The following DOK6 variants were observed in gnomAD, a reference collection of about 807,000 sequenced individuals.
The protein encoded by DOK6 is downstream of tyrosine kinase 6.
Under a neutral mutation model 44.0 loss-of-function variants are expected in DOK6, and 22 were observed. The observed-to-expected ratio is 0.50, with a 90% confidence interval of 0.36 to 0.71. The LOEUF is 0.71. DOK6 is among the 30% of genes least tolerant of loss of function. The pLI, the probability that DOK6 is intolerant of heterozygous loss-of-function variation, is 0.00. For missense variants in DOK6, 340 were observed against 416.4 expected (o/e 0.82, Z 1.60); for synonymous variants, 166 against 145.5 (o/e 1.14, Z -1.01).
chr18:69,680,295 T>C (rs751446567), intron 4 of DOK6, among the ~76,000 whole-genome samples: 1 of 152,188 alleles, frequency 6.6e-6, no homozygotes, highest in Non-Finnish European at 1.5e-5. Context: ...AGAAAATTCC[T>C]GGATGGGGAG....
At chr18:69,757,530 C>T (rs1226635660) in intron 6 of DOK6, among the ~76,000 whole-genome samples, 2 of 152,166 alleles carry the variant, frequency 1.3e-5, no homozygotes, top group East Asian at 3.8e-4. Flanking sequence ...TCATTCGTAC[C>T]ATCTTAATGT....
At chr18:69,521,981 T>C (rs749216797) in intron 1 of DOK6, among the ~76,000 whole-genome samples, 1 of 151,968 alleles carries the variant, frequency 6.6e-6, no homozygotes, top group African/African-American at 2.4e-5. Flanking sequence ...TAGATTAATG[T>C]CTTGATTTAT....
intron 1 of DOK6, among the ~76,000 whole-genome samples, chr18:69,519,798 T>C (rs994629795): frequency 1.3e-5 from 2 of 151,924 alleles, no homozygotes; most frequent in African/African-American, 4.8e-5. Flanking sequence ...AAATATGGCA[T>C]GAGAACGTGA....
At chr18:69,770,825 C>T (rs1979866241) in intron 7 of DOK6, among the ~76,000 whole-genome samples, 1 of 151,822 alleles carries the variant, frequency 6.6e-6, no homozygotes, top group South Asian at 2.1e-4. Context: ...TGTTGCAAAC[C>T]CCTTCTATTT....
At chr18:69,609,510 T>TAAATAAATAAATAAATAAATA in intron 3 of DOK6, among the ~76,000 whole-genome samples, 1 of 150,140 alleles carries the variant, frequency 6.7e-6, no homozygotes, top group African/African-American at 2.4e-5. Flanking sequence ...AATAAATAAA[T>TAAATAAATAAATAAATAAATA]AATAAAATGA....
At chr18:69,635,736 G>A (rs1249819753) in intron 3 of DOK6, among the ~76,000 whole-genome samples, 1 of 152,102 alleles carries the variant, frequency 6.6e-6, no homozygotes, top group Non-Finnish European at 1.5e-5. Flanking sequence ...CTCAGTAGCC[G>A]CATACCTAGA....
chr18:69,627,626 T>C (rs1256845910), intron 3 of DOK6, among the ~76,000 whole-genome samples: 2 of 151,950 alleles, frequency 1.3e-5, no homozygotes, highest in Non-Finnish European at 2.9e-5. Flanking sequence ...TTTTTTTGTA[T>C]TTTTAGTAGA....
intron 1 of DOK6, among the ~76,000 whole-genome samples, chr18:69,436,974 A>C (rs1978998515): frequency 6.6e-6 from 1 of 152,174 alleles, no homozygotes; most frequent in Non-Finnish European, 1.5e-5. Flanking sequence ...GTGTCTGTTC[A>C]TATCCTTCAC....
In DOK6 at chr18:69,533,292, C is replaced by T. The variant is rs529377258; in HGVS notation, c.67-31195C>T. Among the ~76,000 whole-genome samples, 9 of 152,212 alleles carry T rather than the reference C, an allele frequency of 5.9e-5. No homozygotes were observed. The South Asian group carries it at 1.7e-3, about 28-fold the overall frequency. On this transcript the variant is annotated intron_variant, in intron 1 of 7. Coordinates refer to ENST00000382713, the MANE Select transcript of DOK6 (RefSeq NM_152721.6). The stretch of plus-strand genomic sequence containing the variant: ...CTCCAGTATTAATTCAAAATTAGTT[C>T]TGACAATTTTTCTCCTTTTTAAGCC...
chr18:69,495,303 GT>G (rs1480685504), intron 1 of DOK6, among the ~76,000 whole-genome samples: 1 of 152,248 alleles, frequency 6.6e-6, no homozygotes, highest in East Asian at 1.9e-4. Context: ...CAAGGGGCAT[GT>G]TTCAGCCCTG....
At chr18:69,454,232 T>C (rs2122463525) in intron 1 of DOK6, among the ~76,000 whole-genome samples, 1 of 62,332 alleles carries the variant, frequency 1.6e-5, no homozygotes, top group Non-Finnish European at 3.0e-5. Context: ...AACAACCCCA[T>C]CAAAAAGTGG....
chr18:69,529,500 T>C (rs1013254543), intron 1 of DOK6, among the ~76,000 whole-genome samples: 4 of 152,222 alleles, frequency 2.6e-5, no homozygotes, highest in African/African-American at 9.6e-5. Flanking sequence ...CACTGTGCCA[T>C]CCACTTGGAA....
intron 1 of DOK6, among the ~76,000 whole-genome samples, chr18:69,558,252 GA>G (rs1982737924): frequency 3.3e-5 from 5 of 152,184 alleles, no homozygotes; most frequent in Admixed American, 3.3e-4. Flanking sequence ...GAAGAGTACA[GA>G]AAAGGTGATC....
At chr18:69,810,920 A>G (rs1298292111) in intron 7 of DOK6, among the ~76,000 whole-genome samples, 1 of 152,052 alleles carries the variant, frequency 6.6e-6, no homozygotes, top group African/African-American at 2.4e-5. Flanking sequence ...AAATAAAACT[A>G]CCATAGGGTC....
intron 6 of DOK6, among the ~76,000 whole-genome samples, chr18:69,746,153 G>A (rs1978978411): frequency 6.6e-6 from 1 of 152,198 alleles, no homozygotes; most frequent in Admixed American, 6.5e-5. Flanking sequence ...ACTGATTGCA[G>A]ACGGAAATGA....
chr18:69,813,869 G>A (rs1272848151), intron 7 of DOK6, among the ~76,000 whole-genome samples: 2 of 152,114 alleles, frequency 1.3e-5, no homozygotes, highest in Admixed American at 6.5e-5. Flanking sequence ...TTTTCCGAGT[G>A]CTAAGTAGGA....
chr18:69,570,363 A>G (rs2144602472), intron 2 of DOK6, among the ~76,000 whole-genome samples: 1 of 152,240 alleles, frequency 6.6e-6, no homozygotes, highest in Non-Finnish European at 1.5e-5. Flanking sequence ...GAAATAGTGA[A>G]CTTAAAGATA....
chr18:69,645,723 G>A (rs1985055662), intron 3 of DOK6, among the ~76,000 whole-genome samples: 1 of 152,066 alleles, frequency 6.6e-6, no homozygotes, highest in Non-Finnish European at 1.5e-5. Context: ...AAAAAACCTT[G>A]TACATAATTA....
At chr18:69,679,799 T>C (rs1986004934) in intron 4 of DOK6, among the ~76,000 whole-genome samples, 1 of 152,190 alleles carries the variant, frequency 6.6e-6, no homozygotes, top group African/African-American at 2.4e-5. Flanking sequence ...TTATCATAAT[T>C]TTATTTCTAA....
Sources: gnomAD v4.1 joint callset for allele counts (sites outside exome capture counted in the v4.1 genomes callset) on GRCh38, gnomAD v4.1.1 for gene constraint, MANE v1.5 for transcripts, NCBI Gene and HGNC (gene_info 2026-07-23, HGNC 2026-07-21) for gene names.